The following NPAS3 variants were observed in gnomAD, a reference collection of about 807,000 sequenced individuals.
The protein encoded by NPAS3 is neuronal PAS domain-containing protein 3.
A neutral mutation model predicts 73.1 loss-of-function variants in NPAS3; 14 were observed. The observed-to-expected ratio is 0.19, with a 90% CI of 0.13 to 0.30. NPAS3 has a LOEUF of 0.30. Among genes scored for constraint, NPAS3 ranks in the 10% least tolerant of loss-of-function variants. The pLI is 1.00. For missense variants in NPAS3, 1,096 were observed against 1,250.0 expected (o/e 0.88, Z 1.86); for synonymous variants, 620 against 541.5 (o/e 1.14, Z -2.01).
intron 3 of NPAS3, among the ~76,000 whole-genome samples, chr14:33,253,353 G>T (rs1439426710): frequency 6.6e-6 from 1 of 152,056 alleles, no homozygotes; most frequent in Non-Finnish European, 1.5e-5. Flanking sequence ...CTTAAACACA[G>T]CTAGTAACTG....
chr14:33,050,068 AG>A (rs1452768223), intron 1 of NPAS3, among the ~76,000 whole-genome samples: 1 of 152,086 alleles, frequency 6.6e-6, no homozygotes, highest in Non-Finnish European at 1.5e-5. Context: ...GTTACAATCT[AG>A]GGGGGAAAGT....
chr14:33,441,241 A>C (rs12147072), intron 4 of NPAS3, among the ~76,000 whole-genome samples: 28,854 of 152,092 alleles, frequency 0.19, 3,158 homozygotes, highest in East Asian at 0.44. Flanking sequence ...CTATAAACTT[A>C]TTATGCATAT....
chr14:33,721,210 C>T (rs2140544898), intron 6 of NPAS3, among the ~76,000 whole-genome samples: 1 of 152,246 alleles, frequency 6.6e-6, no homozygotes, highest in Admixed American at 6.5e-5. Context: ...TTTAAGACCA[C>T]CTCTGTCTTC....
At chr14:33,060,429 T>G (rs1302477982) in intron 2 of NPAS3, among the ~76,000 whole-genome samples, 1 of 152,218 alleles carries the variant, frequency 6.6e-6, no homozygotes, top group African/African-American at 2.4e-5. Flanking sequence ...CAGTACCTAT[T>G]TTAAACAACG....
chr14:33,694,498 G>C (rs140360350), intron 6 of NPAS3, among the ~76,000 whole-genome samples: 34 of 152,082 alleles, frequency 2.2e-4, no homozygotes, highest in African/African-American at 5.5e-4. Flanking sequence ...TCTTCCCATT[G>C]GTATTCTACA....
chr14:33,722,772 T>C (rs959891891), intron 6 of NPAS3, among the ~76,000 whole-genome samples: 2 of 152,172 alleles, frequency 1.3e-5, no homozygotes, highest in African/African-American at 4.8e-5. Context: ...TTACAAAGTA[T>C]AAATAATGTT....
At position 33,017,631 on chromosome 14, in the gene NPAS3, G is replaced by C. The variant is rs957829400; in HGVS notation, c.51-38274G>C. On this transcript the variant is annotated intron_variant, in intron 1 of 11. Coordinates refer to ENST00000356141, the Ensembl canonical transcript of NPAS3. ...AAAGAGGACTGGTCATTGATGGTGT[G>C]GGGGTTAAGGGTGGTCTAAACTTAA... 5.3e-5 allele frequency among the ~76,000 whole-genome samples: 8 copies of C among 152,274 alleles called. No individual in the cohort carries two copies. The East Asian group carries it at 1.5e-3, about 29-fold the overall frequency.
chr14:33,071,644 T>C (rs1181235747), intron 2 of NPAS3, among the ~76,000 whole-genome samples: 13 of 152,198 alleles, frequency 8.5e-5, no homozygotes, highest in Admixed American at 8.5e-4. Flanking sequence ...ATTTACTGTT[T>C]AGCATATACG....
In NPAS3 at chr14:33,275,170, G is replaced by C. The variant is rs561122302; in HGVS notation, c.385+59744G>C. ...CACTTAGTTTGGAAAAACCATTACT[G>C]TATCAGAATGATGTATCTGCAAGTG... On this transcript the variant is annotated intron_variant, in intron 3 of 11. Transcript: ENST00000356141. Among the ~76,000 whole-genome samples, 3 of 152,262 alleles carry C rather than the reference G, an allele frequency of 2.0e-5. No homozygotes were observed. In the South Asian group the frequency reaches 6.2e-4, roughly 32 times the overall value.
intron 7 of NPAS3, among the ~76,000 whole-genome samples, chr14:33,750,845 T>A (rs118166596): frequency 0.018 from 2,717 of 152,284 alleles, 37 homozygotes; most frequent in Middle Eastern, 0.044. Flanking sequence ...ATATGTGCTA[T>A]AATAGAGGTA....
intron 2 of NPAS3, among the ~76,000 whole-genome samples, chr14:33,130,181 A>C (rs1249292474): frequency 6.6e-6 from 1 of 152,216 alleles, no homozygotes; most frequent in Admixed American, 6.5e-5. Flanking sequence ...ACGGCAGACC[A>C]TAATGGAGGA....
In NPAS3 at chr14:33,136,887, T is replaced by C. The variant is rs558693425; in HGVS notation, c.141-78295T>C. Among the ~76,000 whole-genome samples the C allele has an allele frequency of 7.2e-5, 11 of 152,336 alleles. No individual in the cohort carries two copies. In the South Asian group the frequency reaches 2.1e-3, roughly 29 times the overall value. On this transcript the variant is annotated intron_variant, in intron 2 of 11. Coordinates refer to ENST00000356141, the Ensembl canonical transcript of NPAS3. ...ATGGAAGAAGGCAGTTTTAATTCAT[T>C]GATTTAACTTTGTTGTAATATGCTC... is the stretch of plus-strand genomic sequence containing the variant.
intron 3 of NPAS3, among the ~76,000 whole-genome samples, chr14:33,222,351 C>CT (rs749959373): frequency 6.6e-6 from 1 of 152,178 alleles, no homozygotes; most frequent in Non-Finnish European, 1.5e-5. Context: ...TTTTTACGCC[C>CT]TTCCAGTCTC....
intron 5 of NPAS3, among the ~76,000 whole-genome samples, chr14:33,607,939 T>G (rs915383074): frequency 1.3e-5 from 2 of 152,054 alleles, no homozygotes; most frequent in Admixed American, 6.6e-5. Context: ...CTCACTATCA[T>G]GGGAATAGCG....
chr14:33,731,333 C>T (rs565368330), intron 6 of NPAS3, among the ~76,000 whole-genome samples: 2 of 150,588 alleles, frequency 1.3e-5, no homozygotes, highest in South Asian at 2.1e-4. Flanking sequence ...GCAGGAGAAT[C>T]GCCTGAGTCC....
chr14:33,230,667 A>T (rs2047815623), intron 3 of NPAS3, among the ~76,000 whole-genome samples: 1 of 152,228 alleles, frequency 6.6e-6, no homozygotes, highest in African/African-American at 2.4e-5. Flanking sequence ...ATTTTAAGAG[A>T]ACACAGTAAA....
intron 4 of NPAS3, among the ~76,000 whole-genome samples, chr14:33,522,108 T>G (rs1439600995): frequency 6.6e-6 from 1 of 152,186 alleles, no homozygotes; most frequent in African/African-American, 2.4e-5. Context: ...CACACGCACA[T>G]AGTGTTTGCT....
intron 1 of NPAS3, among the ~76,000 whole-genome samples, chr14:33,035,204 A>G (rs1426991891): frequency 6.6e-6 from 1 of 152,222 alleles, no homozygotes; most frequent in Non-Finnish European, 1.5e-5. Flanking sequence ...AATATTCACT[A>G]AATGGGCAAG....
At chr14:33,704,855 A>G (rs1185780649) in intron 6 of NPAS3, among the ~76,000 whole-genome samples, 1 of 152,188 alleles carries the variant, frequency 6.6e-6, no homozygotes, top group Non-Finnish European at 1.5e-5. Flanking sequence ...GCTTTTATAA[A>G]AGCCTGACAT....
Sources: gnomAD v4.1 joint callset for allele counts (sites outside exome capture counted in the v4.1 genomes callset) on GRCh38, gnomAD v4.1.1 for gene constraint, MANE v1.5 for transcripts, NCBI Gene and HGNC (gene_info 2026-07-23, HGNC 2026-07-21) for gene names.